PTPRQ: variants seen among roughly 807,000 people sequenced by gnomAD.
The protein encoded by PTPRQ is phosphatidylinositol phosphatase PTPRQ.
A neutral mutation model predicts 246.0 loss-of-function variants in PTPRQ; 199 were observed. The ratio of observed to expected loss-of-function variants is 0.81; its 90% CI spans 0.72 to 0.91. The LOEUF (loss-of-function observed/expected upper bound fraction) is 0.91. PTPRQ is among the 40% of genes least tolerant of loss of function. PTPRQ has a pLI of 0.00. For missense variants in PTPRQ, 2,624 were observed against 2,528.4 expected, an observed-to-expected ratio of 1.04 and a Z score of -0.81; for synonymous variants, 869 against 853.2, an observed-to-expected ratio of 1.02 and a Z score of -0.32.
chr12:80,542,698 G>A (rs879703967), intron 22 of PTPRQ, 32 bp from the exon 23 acceptor site: 37 of 1,518,478 alleles, frequency 2.4e-5, no homozygotes, highest in Non-Finnish European at 3.3e-5. Context: ...AAAGTTTTAT[G>A]AATGTAAGTT....
chr12:80,461,765 T>C (rs1352431449), intron 6 of PTPRQ, among the ~76,000 whole-genome samples: 1 of 151,636 alleles, frequency 6.6e-6, no homozygotes, highest in Non-Finnish European at 1.5e-5. Context: ...TTCTATTATT[T>C]TTCATTTCAT....
At chr12:80,632,433 A>G (rs1386728561) in intron 34 of PTPRQ, 142 bp downstream of exon 34, 1 of 1,222,418 alleles carries the variant, frequency 8.2e-7, no homozygotes. Flanking sequence ...TGTATTTATC[A>G]TGTACAATAT....
intron 35 of PTPRQ, among the ~76,000 whole-genome samples, chr12:80,636,306 A>G (rs1899646953): frequency 1.3e-5 from 2 of 152,220 alleles, no homozygotes; most frequent in Admixed American, 1.3e-4. Context: ...TATGTACAAA[A>G]TATCAAATAT....
chr12:80,531,181 A>T (rs1895832747), intron 17 of PTPRQ, among the ~76,000 whole-genome samples: 1 of 152,138 alleles, frequency 6.6e-6, no homozygotes, highest in Non-Finnish European at 1.5e-5. Flanking sequence ...AAAGCCTGAA[A>T]GTTAACTCAT....
At chr12:80,480,710 G>T (rs1592561744) in intron 8 of PTPRQ, among the ~76,000 whole-genome samples, 7 of 152,278 alleles carry the variant, frequency 4.6e-5, no homozygotes, top group Admixed American at 4.6e-4. Flanking sequence ...CGATCCCACA[G>T]AAATACAAAC....
intron 14 of PTPRQ, among the ~76,000 whole-genome samples, chr12:80,497,717 A>G (rs1367057887): frequency 1.3e-5 from 2 of 152,108 alleles, no homozygotes; most frequent in Non-Finnish European, 1.5e-5. Flanking sequence ...TGGCATAACT[A>G]TTAGGCCAAT....
At chr12:80,632,042 G>A in intron 33 of PTPRQ, 150 bp from the exon 34 acceptor site, 1 of 1,105,288 alleles carries the variant, frequency 9.0e-7, no homozygotes, top group Non-Finnish European at 1.2e-6. Flanking sequence ...AAAAAATCTA[G>A]GAGAAGAGGA....
intron 4 of PTPRQ, among the ~76,000 whole-genome samples, chr12:80,458,158 T>C (rs138359219): frequency 9.4e-4 from 143 of 152,200 alleles, no homozygotes; most frequent in African/African-American, 3.3e-3. Context: ...GATACCTCCA[T>C]TCTTCCAGGG....
At chr12:80,469,998 G>C (rs74965530) in intron 7 of PTPRQ, among the ~76,000 whole-genome samples, 8,206 of 152,220 alleles carry the variant, frequency 0.054, 288 homozygotes, top group Middle Eastern at 0.089. Context: ...TGGAACAATG[G>C]GTGTAGAAAT....
At position 80,472,131 on chromosome 12, in the gene PTPRQ, G is replaced by T. The variant is rs1344649121; in HGVS notation, c.1066G>T (p.Asp356Tyr). ...TCGCATTTTGGATAACAGCACAAAA[G>T]ACCTCAAGTTTGCATTCACTAACCT... is the stretch of plus-strand genomic sequence containing the variant. The part of the protein sequence containing the change: ...SGRILDNSTK[D>Y]LKFAFTNLTP... The change falls in exon 8 of 45, where the codon GAC becomes TAC. Residue 356 changes from aspartate (D) to tyrosine (Y), a missense_variant. Transcript: ENST00000644991. 6.4e-7 allele frequency: 1 copy of T among 1,551,302 alleles called. No individual in the cohort carries two copies. The highest frequency in any genetic ancestry group is 2.4e-5 in the East Asian group (1 of 40,884).
At position 80,668,960 on chromosome 12, in the gene PTPRQ, GT is replaced by G. The variant is rs777577072; in HGVS notation, c.6193-46del. 53 of 1,499,508 alleles carry G rather than the reference GT, an allele frequency of 3.5e-5. No individual in the cohort carries two copies. In the East Asian group the frequency reaches 1.0e-3, roughly 28 times the overall value. 92.9% of individuals were successfully genotyped at this position (1,499,508 alleles called of 1,614,324 possible). The stretch of plus-strand genomic sequence containing the variant: ...TGCATTGATCGAAAACTAAAACACT[GT>G]ATCTGTGAACACAGTGATGCAGTGT... On this transcript the variant is annotated intron_variant, in intron 39 of 44. Transcript: ENST00000644991.
intron 31 of PTPRQ, 66 bp downstream of exon 31, chr12:80,619,608 T>G: frequency 1.5e-6 from 2 of 1,300,202 alleles, no homozygotes; most frequent in Non-Finnish European, 2.0e-6. Flanking sequence ...CTAAAAAGAA[T>G]TTAGTTCAAA....
Position 80,497,135 on chromosome 12 carries a change from G to T in PTPRQ, c.2272+604G>T, listed in dbSNP as rs539174091. 2.9e-3 allele frequency among the ~76,000 whole-genome samples: 441 copies of T among 151,960 alleles called. 1 individual carries two copies. The highest frequency in any genetic ancestry group is 0.01 in the African/African-American group (419 of 41,438). On this transcript the variant is annotated intron_variant, in intron 14 of 44. Coordinates refer to ENST00000644991, the MANE Select transcript of PTPRQ (RefSeq NM_001145026.2). ...GTTGGTTTCTGGATGATTCAAGCACGTTACGTTTGTTGTGCACTTTATTTC... is the reference window on the plus strand; with the variant it reads ...GTTGGTTTCTGGATGATTCAAGCACTTTACGTTTGTTGTGCACTTTATTTC...
chr12:80,584,582 AT>A (rs1469656096), intron 25 of PTPRQ, among the ~76,000 whole-genome samples: 5 of 152,096 alleles, frequency 3.3e-5, no homozygotes. Flanking sequence ...TCCCCAAGCT[AT>A]TGTGCAGTCT....
chr12:80,649,108 G>A (rs970401351), intron 36 of PTPRQ, among the ~76,000 whole-genome samples, 185 bp downstream of exon 36: 1 of 152,086 alleles, frequency 6.6e-6, no homozygotes, highest in African/African-American at 2.4e-5. Flanking sequence ...TCTCTCTGGG[G>A]TGAAGCCTGC....
chr12:80,446,146 A>G (rs934214101), intron 3 of PTPRQ, among the ~76,000 whole-genome samples: 36 of 151,802 alleles, frequency 2.4e-4, no homozygotes, highest in Non-Finnish European at 3.5e-4. Flanking sequence ...AAATTCCTAG[A>G]AACCACAGTA....
intron 19 of PTPRQ, among the ~76,000 whole-genome samples, chr12:80,539,363 C>T (rs1896080911): frequency 6.6e-6 from 1 of 152,110 alleles, no homozygotes; most frequent in African/African-American, 2.4e-5. Context: ...ATTCCTTCAT[C>T]ACAAATGGAA....
chr12:80,473,802 AT>A (rs1437006457), intron 8 of PTPRQ, among the ~76,000 whole-genome samples: 1 of 152,134 alleles, frequency 6.6e-6, no homozygotes, highest in African/African-American at 2.4e-5. Context: ...CACAAGGCCT[AT>A]TTTTCACACC....
At chr12:80,560,601 C>A (rs191609221) in intron 25 of PTPRQ, among the ~76,000 whole-genome samples, 1,544 of 151,988 alleles carry the variant, frequency 0.01, 30 homozygotes, top group African/African-American at 0.035. Flanking sequence ...CCAGAATCCC[C>A]AAAATTAAAA....
Sources: allele counts gnomAD v4.1 joint callset (sites outside exome capture counted in the v4.1 genomes callset), GRCh38; gene constraint gnomAD v4.1.1; transcripts MANE v1.5; gene names NCBI Gene and HGNC (gene_info 2026-07-23, HGNC 2026-07-21).